Variants in MAP3K7CL observed in about 807,000 individuals in gnomAD.
MAP3K7CL encodes the protein MAP3K7 C-terminal like.
In MAP3K7CL, 16 loss-of-function variants were observed where a neutral mutation model predicts 18.6. That is an observed-to-expected ratio of 0.86 (90% CI 0.58 to 1.31). The LOEUF is 1.31. Ranked by LOEUF, MAP3K7CL falls within the 50% of genes most tolerant of loss-of-function variation. MAP3K7CL has a pLI of 0.00. For missense variants in MAP3K7CL, 163 were observed against 174.4 expected (o/e 0.93, Z 0.37); for synonymous variants, 65 against 66.8 (o/e 0.97, Z 0.13).
intron 4 of MAP3K7CL, among the ~76,000 whole-genome samples, chr21:29,094,854 C>T (rs2086093013): frequency 2.6e-5 from 4 of 152,076 alleles, no homozygotes; most frequent in Admixed American, 2.6e-4. Context: ...CCCAGGAGTT[C>T]AAGACCAGCC....
chr21:29,136,580 A>G (rs1475757962), intron 2 of MAP3K7CL, among the ~76,000 whole-genome samples: 2 of 151,048 alleles, frequency 1.3e-5, no homozygotes, highest in African/African-American at 2.4e-5. Context: ...GCTGGCGTGC[A>G]GTGGTGCAAT....
At chr21:29,144,670 G>T (rs1008674969) in intron 2 of MAP3K7CL, among the ~76,000 whole-genome samples, 1 of 152,176 alleles carries the variant, frequency 6.6e-6, no homozygotes, top group Non-Finnish European at 1.5e-5. Context: ...CTCTGAGGGG[G>T]CTGGACCAGA....
chr21:29,082,170 T>C (rs1463500300), upstream of MAP3K7CL, among the ~76,000 whole-genome samples: 1 of 152,206 alleles, frequency 6.6e-6, no homozygotes, highest in East Asian at 1.9e-4. Flanking sequence ...TCTCTACTAA[T>C]ATTATTAAGT....
chr21:29,155,793 C>T (rs2087389802), intron 3 of MAP3K7CL, among the ~76,000 whole-genome samples: 1 of 152,160 alleles, frequency 6.6e-6, no homozygotes, highest in Non-Finnish European at 1.5e-5. Context: ...GGAAGTATCT[C>T]CTCCTGGGCT....
chr21:29,104,367 C>T (rs1221245480), intron 4 of MAP3K7CL, among the ~76,000 whole-genome samples: 1 of 152,176 alleles, frequency 6.6e-6, no homozygotes, highest in African/African-American at 2.4e-5. Flanking sequence ...AAGAAAATCA[C>T]TTTCCCTACC....
intron 1 of MAP3K7CL, among the ~76,000 whole-genome samples, chr21:29,080,105 TTGAG>T (rs1409268406): frequency 6.6e-6 from 1 of 152,222 alleles, no homozygotes; most frequent in Admixed American, 6.5e-5. Context: ...GAAGGTTCTC[TTGAG>T]CCTTTATGAA....
intron 3 of MAP3K7CL, chr21:29,091,771 A>G (rs1375888996): frequency 1.4e-6 from 1 of 702,274 alleles, no homozygotes; most frequent in African/African-American, 1.7e-5. Context: ...GGTATGAACT[A>G]CTGCACCTGG....
intron 1 of MAP3K7CL, 35 bp from the exon 2 acceptor site, chr21:29,133,271 G>A (rs1180930609): frequency 4.6e-6 from 7 of 1,506,682 alleles, no homozygotes; most frequent in Non-Finnish European, 6.3e-6. Context: ...GATGATGCTG[G>A]ATAAAGTGAC....
intron 2 of MAP3K7CL, 114 bp from the exon 3 acceptor site, chr21:29,149,075 G>A: frequency 1.1e-6 from 1 of 872,906 alleles, no homozygotes; most frequent in Non-Finnish European, 1.9e-6. Flanking sequence ...GTCCCCAACT[G>A]AAGTGATGAA....
At position 29,113,481 on chromosome 21, in the gene MAP3K7CL, C is replaced by CGCTCTGTGCTCACTGCG. The variant is rs1568942724; in HGVS notation, c.370+20904_370+20920dup. 7.2e-5 allele frequency among the ~76,000 whole-genome samples: 11 copies of CGCTCTGTGCTCACTGCG among 152,234 alleles called. No homozygotes were observed. In the East Asian group the frequency reaches 1.9e-3, roughly 27 times the overall value. On this transcript the variant is annotated intron_variant, in intron 4 of 6. Coordinates refer to the MAP3K7CL transcript ENST00000286791. ...AATCTGAACAATCCACCTGGTTGCT[C>CGCTCTGTGCTCACTGCG]GCTCTGTGCTCACTGCGGCTGGAGT...
At chr21:29,123,059 T>TACC (rs1405208686) in intron 4 of MAP3K7CL, among the ~76,000 whole-genome samples, 1 of 102,198 alleles carries the variant, frequency 9.8e-6, no homozygotes, top group Non-Finnish European at 1.9e-5. Context: ...AATGATCTTT[T>TACC]TTTTTTTTTT....
chr21:29,088,121 CAA>C (rs1307505227), intron 1 of MAP3K7CL, among the ~76,000 whole-genome samples: 8 of 152,158 alleles, frequency 5.3e-5, no homozygotes, highest in African/African-American at 1.7e-4. Context: ...TCTCTGCACT[CAA>C]GAGAGAGCAG....
intron 4 of MAP3K7CL, among the ~76,000 whole-genome samples, chr21:29,105,653 C>T (rs1568938560): frequency 6.6e-6 from 1 of 152,080 alleles, no homozygotes; most frequent in African/African-American, 2.4e-5. Flanking sequence ...TGGGGAAGAG[C>T]TTATAAGCAG....
chr21:29,105,723 C>G (rs1028200257), intron 4 of MAP3K7CL, among the ~76,000 whole-genome samples: 11 of 152,036 alleles, frequency 7.2e-5, no homozygotes, highest in African/African-American at 2.7e-4. Context: ...GTGGAAGGGG[C>G]CAGTGGGGGA....
At position 29,092,388 on chromosome 21, in the gene MAP3K7CL, C is replaced by T. The variant is rs371221108; in HGVS notation, c.228-51C>T. ...AAGAACTGACATCAAAAGGTCTGTG[C>T]GGGGTCATTTGTCTCATCATGACTT... On this transcript the variant is annotated intron_variant, in intron 3 of 6. Transcript: ENST00000286791. 154 of 1,605,840 alleles carry T rather than the reference C, an allele frequency of 9.6e-5. 2 individuals are homozygous for T. Among genetic ancestry groups the T allele is most frequent in the South Asian group, 2.4e-4 (22 of 90,910 alleles).
rs35612617 is a variant in MAP3K7CL at position 29,172,241 on chromosome 21, C to CTTTTTTTTTTTTTTTTTTT, written c.249-2469_249-2451dup. ...AGCACATTGCCTGTGTTGTCATTTTCTTTTTTTTTTTTTTTTTTTTGGTTT... is the reference window on the plus strand; with the variant it reads ...AGCACATTGCCTGTGTTGTCATTTTCTTTTTTTTTTTTTTTTTTTTTTTTTTTTTTTTTTTTTTTGGTTT... On this transcript the variant is annotated intron_variant, in intron 4 of 4. Coordinates refer to ENST00000399928, the MANE Select transcript of MAP3K7CL (RefSeq NM_001286620.2). 5.5e-5 allele frequency among the ~76,000 whole-genome samples: 7 copies of CTTTTTTTTTTTTTTTTTTT among 126,250 alleles called. 1 individual carries two copies. Among genetic ancestry groups the CTTTTTTTTTTTTTTTTTTT allele is most frequent in the Admixed American group, 1.7e-4 (2 of 11,944 alleles). The allele number at this position is 126,250 out of a possible 152,430, so 82.8% of individuals were successfully genotyped here. A position where few individuals can be genotyped will look rare whatever the true frequency, so the allele number is the denominator to read the frequency against.
At chr21:29,157,772 A>T (rs1703411263) in intron 3 of MAP3K7CL, among the ~76,000 whole-genome samples, 1 of 152,212 alleles carries the variant, frequency 6.6e-6, no homozygotes, top group African/African-American at 2.4e-5. Context: ...CTTAGTAAAA[A>T]TCATTACAGG....
At chr21:29,110,774 T>C (rs1437316869) in intron 4 of MAP3K7CL, among the ~76,000 whole-genome samples, 2 of 152,246 alleles carry the variant, frequency 1.3e-5, no homozygotes, top group African/African-American at 4.8e-5. Flanking sequence ...ATTTTTCATT[T>C]CTGCTTTCAT....
intron 4 of MAP3K7CL, among the ~76,000 whole-genome samples, chr21:29,108,664 C>T (rs1468366671): frequency 6.6e-6 from 1 of 152,182 alleles, no homozygotes; most frequent in Non-Finnish European, 1.5e-5. Context: ...CTCTGAGTCC[C>T]AGTATCCTCA....
Sources: allele counts gnomAD v4.1 joint callset (sites outside exome capture counted in the v4.1 genomes callset), GRCh38; gene constraint gnomAD v4.1.1; transcripts MANE v1.5; gene names NCBI Gene and HGNC (gene_info 2026-07-23, HGNC 2026-07-21).